The following DCST2 variants were observed in gnomAD, a reference collection of about 807,000 sequenced individuals.
The protein encoded by DCST2 is DC-STAMP domain-containing protein 2.
In DCST2, 64 loss-of-function variants were observed where a neutral mutation model predicts 81.8. The observed-to-expected ratio is 0.78, with a 90% CI of 0.64 to 0.96. The LOEUF is 0.96. DCST2 is among the 40% of genes least tolerant of loss of function. The pLI is 0.00. For synonymous variants in DCST2, 354 were observed against 402.6 expected (o/e 0.88, Z 1.44); for missense variants, 945 against 1,001.4 (o/e 0.94, Z 0.76).
chr1:155,032,259 TG>T (rs1040478763), intron 3 of DCST2, among the ~76,000 whole-genome samples: 14 of 151,962 alleles, frequency 9.2e-5, no homozygotes, highest in Non-Finnish European at 1.8e-4. Flanking sequence ...CCCAAAGTGC[TG>T]GGATTACAGG....
chr1:155,024,454 A>G lies in DCST2; in HGVS notation c.1742+18T>C. Reference sequence around the variant, plus strand: ...ATCCCCTCTTGCCCCACCCCTATAGAAAAGACAGTGGCCTCACCGACTGGC... The same window carrying G: ...ATCCCCTCTTGCCCCACCCCTATAGGAAAGACAGTGGCCTCACCGACTGGC... On this transcript the variant is annotated intron_variant, in intron 11 of 14. Coordinates refer to ENST00000368424, the MANE Select transcript of DCST2 (RefSeq NM_144622.3). The G allele has an allele frequency of 6.3e-7, 1 of 1,586,264 alleles. No homozygotes were observed. Among genetic ancestry groups the G allele is most frequent in the Non-Finnish European group, 8.6e-7 (1 of 1,164,802 alleles).
rs200106067 is a variant in DCST2, at chr1:155,026,352, T to C, written c.1561A>G (p.Ser521Gly). The change falls in exon 10 of 15, where the codon AGC becomes GGC. Residue 521 changes from serine to glycine, a missense_variant. Ser to Gly is a moderately conservative substitution (Grantham distance 56, BLOSUM62 0). Transcript: ENST00000368424. ...FFITLFGSYV[S>G]RLRRVICASY... ...GCACAGATGACTCGCCGCAGCCGGC[T>C]GACATAGCTGCCAAACAGGGTGATG... 3.3e-5 allele frequency: 54 copies of C among 1,613,734 alleles called. No individual in the cohort carries two copies. Among genetic ancestry groups the C allele is most frequent in the Admixed American group, 2.0e-4 (12 of 60,008 alleles).
intron 8 of DCST2, among the ~76,000 whole-genome samples, chr1:155,027,554 C>CTTTTTTTTTTTTTTTTT (rs779621299): frequency 4.7e-5 from 3 of 64,020 alleles, no homozygotes; most frequent in Admixed American, 2.0e-4. Context: ...TTTTTTACTT[C>CTTTTTTTTTTTTTTTTT]TTTTTTTTTT....
chr1:155,033,169 C>G lies in DCST2; in HGVS notation c.364G>C (p.Ala122Pro), dbSNP rs1660153655. 1.2e-6 allele frequency: 2 copies of G among 1,612,108 alleles called. No individual in the cohort carries two copies. The highest frequency in any genetic ancestry group is 2.7e-5 in the African/African-American group (2 of 74,868). Residue 122 changes from alanine (A) to proline (P), a missense_variant, in exon 2 of 15, where the codon GCT becomes CCT. Transcript: ENST00000368424. ...TLRNFTRASEAVACGAELALN... is the reference protein window; with the variant it reads ...TLRNFTRASEPVACGAELALN... ...GCCAGCTCTGCCCCACAGGCTACAG[C>G]CTCGCTGGCCCGGGTGAAGTTGCGT...
At chr1:155,028,975 G>C (rs568563497) in intron 8 of DCST2, among the ~76,000 whole-genome samples, 50 of 152,198 alleles carry the variant, frequency 3.3e-4, no homozygotes, top group African/African-American at 1.2e-3. Context: ...CCTGGCCAGT[G>C]TGACTCTAGA....
chr1:155,025,269 A>G (rs1049306509), intron 10 of DCST2, among the ~76,000 whole-genome samples: 1 of 152,196 alleles, frequency 6.6e-6, no homozygotes, highest in Non-Finnish European at 1.5e-5. Flanking sequence ...GGAATACAGT[A>G]CATGCTCAGT....
Position 155,030,066 on chromosome 1 carries a change from T to C in DCST2, c.1177+18A>G, listed in dbSNP as rs1558101525. On this transcript the variant is annotated intron_variant, in intron 7 of 14. Coordinates refer to ENST00000368424, the MANE Select transcript of DCST2 (RefSeq NM_144622.3). Reference sequence around the variant, plus strand: ...TGGCCTCCCTGGCTTGGGCTCTCCCTGTCCTCAGGGCCCTCACCCGGTGGG... The same window carrying C: ...TGGCCTCCCTGGCTTGGGCTCTCCCCGTCCTCAGGGCCCTCACCCGGTGGG... 2 of 1,612,156 alleles carry C rather than the reference T, an allele frequency of 1.2e-6. No homozygotes were observed. The highest frequency in any genetic ancestry group is 1.7e-6 in the Non-Finnish European group (2 of 1,179,694).
At chr1:155,027,242 A>G (rs1571547397) in intron 8 of DCST2, among the ~76,000 whole-genome samples, 1 of 122,794 alleles carries the variant, frequency 8.1e-6, no homozygotes. Flanking sequence ...GGGTTTCACC[A>G]TGCTGGCCAG....
Position 155,029,265 on chromosome 1 carries a change from C to T in DCST2, c.1310G>A (p.Arg437Gln), listed in dbSNP as rs776652393. 15 of 1,613,718 alleles carry T rather than the reference C, an allele frequency of 9.3e-6. No homozygotes were observed. The highest frequency in any genetic ancestry group is 1.7e-4 in the Middle Eastern group (1 of 6,052). The stretch of plus-strand genomic sequence containing the variant: ...CACAATCTCCCCCTGCAGCTGGTGC[C>T]GGGCCAGGTCAAGCACCCAGAAGAC... ...YAVFWVLDLA[R>Q]HQLQGEIVAR... Residue 437 changes from arginine to glutamine, a missense_variant, in exon 8 of 15, where the codon CGG becomes CAG. Transcript: ENST00000368424.
intron 8 of DCST2, among the ~76,000 whole-genome samples, chr1:155,027,450 G>A (rs1205874097): frequency 6.9e-6 from 1 of 145,936 alleles, no homozygotes; most frequent in Admixed American, 7.0e-5. Context: ...AAGACCCCCA[G>A]AAACATTTAT....
chr1:155,023,665 T>C (rs1659816775), intron 12 of DCST2, 167 bp downstream of exon 12: 2 of 1,554,352 alleles, frequency 1.3e-6, no homozygotes, highest in African/African-American at 2.7e-5. Context: ...ATGGAGAAAA[T>C]GAGCTACCTG....
chr1:155,032,774 G>A lies in DCST2; in HGVS notation c.440-6C>T. On this transcript the variant is annotated splice_region_variant and splice_polypyrimidine_tract_variant and intron_variant, in intron 2 of 14. Transcript: ENST00000368424. ...TTTAATCTTGTTCAGGGCACCTGAT[G>A]GGTGAGGGACAGAGGCACTTTGGAG... 6.2e-7 allele frequency: 1 copy of A among 1,611,686 alleles called. No homozygotes were observed. Among genetic ancestry groups the A allele is most frequent in the Non-Finnish European group, 8.5e-7 (1 of 1,177,742 alleles).
rs1305177200 is a variant in DCST2, at chr1:155,023,457, C to A, written c.1871G>T (p.Gly624Val). Residue 624 changes from glycine to valine, a missense_variant and splice_region_variant, in exon 13 of 15, where the codon GGT (glycine) becomes GTT (valine). Physicochemically the swap from Gly to Val is moderately radical, Grantham distance 109 (BLOSUM62 -3). Coordinates refer to ENST00000368424, the MANE Select transcript of DCST2 (RefSeq NM_144622.3). The stretch of plus-strand genomic sequence containing the variant: ...GCGGAAGCAAGTGAGGCAGTAGAGA[C>A]CTGGTGGAGGCCATGGGGAATGGAG... ...TVSCSTPGCQ[G>V]LYCLTCFRLL... 1 of 1,589,028 alleles carries A rather than the reference C, an allele frequency of 6.3e-7. No homozygotes were observed. The highest frequency in any genetic ancestry group is 8.6e-7 in the Non-Finnish European group (1 of 1,167,508).
chr1:155,023,169 G>A lies in DCST2; in HGVS notation c.2053C>T (p.Leu685Phe). Residue 685 changes from leucine (L) to phenylalanine (F), a missense_variant, in exon 14 of 15, where the codon CTC becomes TTC. Physicochemically the swap from Leu to Phe is conservative, Grantham distance 22 (BLOSUM62 0). Coordinates refer to ENST00000368424, the MANE Select transcript of DCST2 (RefSeq NM_144622.3). ...AGGCTCCTGCCGAGCACTTCTTGGA[G>A]CTGTTGCTGCAATAACCATGCCTGC... ...PEQAWLLQQQLQEVLGRSLSM... is the reference protein window; with the variant it reads ...PEQAWLLQQQFQEVLGRSLSM... 1 of 1,614,062 alleles carries A rather than the reference G, an allele frequency of 6.2e-7. No homozygotes were observed. Among genetic ancestry groups the A allele is most frequent in the Non-Finnish European group, 8.5e-7 (1 of 1,180,034 alleles).
chr1:155,027,132 G>C (rs780308528), intron 8 of DCST2, among the ~76,000 whole-genome samples: 3 of 150,244 alleles, frequency 2.0e-5, no homozygotes, highest in Non-Finnish European at 3.0e-5. Flanking sequence ...TCCCAGGTTT[G>C]AGTGATTCTC....
Position 155,024,581 on chromosome 1 carries a change from T to C in DCST2, c.1633A>G (p.Asn545Asp), listed in dbSNP as rs1558098830. 1 of 1,606,220 alleles carries C rather than the reference T, an allele frequency of 6.2e-7. No individual in the cohort carries two copies. The highest frequency in any genetic ancestry group is 8.5e-7 in the Non-Finnish European group (1 of 1,176,216). The change falls in exon 11 of 15, where the codon AAT becomes GAT. Residue 545 changes from asparagine (N) to aspartate (D), a missense_variant. Physicochemically the swap from Asn to Asp is conservative, Grantham distance 23. Coordinates refer to ENST00000368424, the MANE Select transcript of DCST2 (RefSeq NM_144622.3). ...TTGGTTCGGCGGCTCAGAAGTACATTGTACAGGTAGGAGATCCTCTCCTGG... is the reference window on the plus strand; with the variant it reads ...TTGGTTCGGCGGCTCAGAAGTACATCGTACAGGTAGGAGATCCTCTCCTGG... ...REQERISYLYNVLLSRRTNLL... is the reference protein window; with the variant it reads ...REQERISYLYDVLLSRRTNLL...
In DCST2 at chr1:155,026,804, G is replaced by A. The variant is rs567090885; in HGVS notation, c.1343-89C>T. Reference sequence around the variant, plus strand: ...TCTGGAATGAGGAAAGTGGAGCAGCGCAGGTCATAGGATGACTCAGACCCT... The same window carrying A: ...TCTGGAATGAGGAAAGTGGAGCAGCACAGGTCATAGGATGACTCAGACCCT... On this transcript the variant is annotated intron_variant, in intron 8 of 14. Transcript: ENST00000368424. 302 of 1,508,666 alleles carry A rather than the reference G, an allele frequency of 2.0e-4. No individual in the cohort carries two copies. The African/African-American group carries it at 2.3e-3, about 11-fold the overall frequency. The allele number at this position is 1,508,666 out of a possible 1,614,324, so 93.5% of individuals were successfully genotyped here. A position where few individuals can be genotyped will look rare whatever the true frequency, so the allele number is the denominator to read the frequency against.
Position 155,033,457 on chromosome 1 carries a change from A to C in DCST2, c.245T>G (p.Leu82Arg). The C allele has an allele frequency of 3.7e-6, 6 of 1,613,910 alleles. No individual in the cohort carries two copies. The highest frequency in any genetic ancestry group is 4.2e-6 in the Non-Finnish European group (5 of 1,179,844). The part of the protein sequence containing the change: ...FSRQVRATVL[L>R]LLPQAFSRQG... The stretch of plus-strand genomic sequence containing the variant: ...ACTGGAGAAGGCCTGAGGCAGCAGC[A>C]GGAGGACAGTGGCTCGGACCTGGCG... The change falls in exon 1 of 15, where the codon CTG becomes CGG. Residue 82 changes from leucine to arginine, a missense_variant. By Grantham distance (102) the Leu-to-Arg change is moderately radical. Transcript: ENST00000368424.
At chr1:155,024,140 C>G (rs1259361538) in intron 11 of DCST2, among the ~76,000 whole-genome samples, 181 bp from the exon 12 acceptor site, 1 of 152,170 alleles carries the variant, frequency 6.6e-6, no homozygotes, top group Non-Finnish European at 1.5e-5. Context: ...TCACTCCTCA[C>G]CCCTAAGAAT....
Sources: allele counts gnomAD v4.1 joint callset (sites outside exome capture counted in the v4.1 genomes callset), GRCh38; gene constraint gnomAD v4.1.1; transcripts MANE v1.5; gene names NCBI Gene and HGNC (gene_info 2026-07-23, HGNC 2026-07-21).